The following ABCC3 variants were observed in gnomAD, a reference collection of about 807,000 sequenced individuals.
ABCC3 encodes the protein ATP binding cassette subfamily C member 3.
In ABCC3, 121 loss-of-function variants were observed where a neutral mutation model predicts 165.3. The ratio of observed to expected loss-of-function variants is 0.73; its 90% confidence interval spans 0.63 to 0.85. The LOEUF (loss-of-function observed/expected upper bound fraction) is 0.85, where lower values mean the gene tolerates loss of function less well. ABCC3 is among the 40% of genes least tolerant of loss of function. The pLI is 0.00. For missense variants in ABCC3, 1,869 were observed against 1,964.1 expected, an observed-to-expected ratio of 0.95 and a Z score of 0.92; for synonymous variants, 733 against 810.1, an observed-to-expected ratio of 0.90 and a Z score of 1.62.
chr17:50,674,477 C>A (rs898705230), intron 19 of ABCC3: 1 of 152,166 alleles, frequency 6.6e-6, no homozygotes, highest in South Asian at 2.1e-4. Context: ...TTAGCAAAGC[C>A]GCTTATTTAT....
chr17:50,659,707 G>A (rs1339081380), intron 7 of ABCC3, among the ~76,000 whole-genome samples: 3 of 151,670 alleles, frequency 2.0e-5, no homozygotes, highest in East Asian at 3.9e-4. Flanking sequence ...CACTGGGGCC[G>A]GGTGTGGTGG....
At chr17:50,680,160 T>A (rs1381519892) in intron 26 of ABCC3, among the ~76,000 whole-genome samples, 1 of 152,196 alleles carries the variant, frequency 6.6e-6, no homozygotes, top group African/African-American at 2.4e-5. Context: ...TTGCAGTGGA[T>A]GACCAGATCT....
chr17:50,676,892 G>GAT (rs1567837024), intron 23 of ABCC3, among the ~76,000 whole-genome samples: 1 of 149,916 alleles, frequency 6.7e-6, no homozygotes, highest in East Asian at 2.0e-4. Flanking sequence ...TTTTTGGGGG[G>GAT]GGGGGGACGG....
chr17:50,662,189 G>A (rs546980783), intron 8 of ABCC3: 1 of 152,576 alleles, frequency 6.6e-6, no homozygotes, highest in African/African-American at 2.4e-5. Flanking sequence ...AAGTATTCAG[G>A]AGCAATTTGG....
At chr17:50,651,704 C>T (rs1311429199) in intron 1 of ABCC3, among the ~76,000 whole-genome samples, 2 of 152,064 alleles carry the variant, frequency 1.3e-5, no homozygotes, top group Non-Finnish European at 2.9e-5. Flanking sequence ...CCAGAGTAGG[C>T]GATAGAGACC....
chr17:50,673,947 T>A (rs1967714257), intron 19 of ABCC3, among the ~76,000 whole-genome samples: 1 of 17,064 alleles, frequency 5.9e-5, no homozygotes, highest in African/African-American at 2.7e-4. Context: ...TTTCTTTCTT[T>A]CTTTCTTTCT....
chr17:50,668,900 C>T lies in ABCC3; in HGVS notation c.1918C>T (p.Leu640=). The change falls in exon 15 of 31, where the codon CTG becomes TTG. Residue 640 remains leucine, a synonymous_variant. Transcript: ENST00000285238. ...TGGCACCTTCACCTGGGCCCAGGAC[C>T]TGCCCCCCACTCTGCACAGGTACCA... ...HSGTFTWAQD[L]PPTLHSLDIQ... The T allele has an allele frequency of 6.2e-7, 1 of 1,614,092 alleles. No individual in the cohort carries two copies. Among genetic ancestry groups the T allele is most frequent in the South Asian group, 1.1e-5 (1 of 91,082 alleles).
At chr17:50,642,732 TC>T (rs1451521931) in intron 1 of ABCC3, among the ~76,000 whole-genome samples, 4 of 152,284 alleles carry the variant, frequency 2.6e-5, no homozygotes, top group African/African-American at 9.6e-5. Flanking sequence ...GTTGGGTTCT[TC>T]CTGTGGCCAC....
At chr17:50,662,275 T>A (rs1256574985) in intron 8 of ABCC3, 1 of 151,656 alleles carries the variant, frequency 6.6e-6, no homozygotes. Flanking sequence ...TGGAGGACGA[T>A]GGATCTTTTG....
At chr17:50,642,774 G>A (rs531355294) in intron 1 of ABCC3, among the ~76,000 whole-genome samples, 1 of 152,270 alleles carries the variant, frequency 6.6e-6, no homozygotes, top group African/African-American at 2.4e-5. Flanking sequence ...CCATGCCACC[G>A]GCCTGCAAGT....
Position 50,669,474 on chromosome 17 carries a change from G to C in ABCC3, c.2187G>C (p.Leu729Phe), listed in dbSNP as rs746464986. Residue 729 changes from leucine (L) to phenylalanine (F), a missense_variant, in exon 17 of 31, where the codon TTG becomes TTC. By Grantham distance (22) the Leu-to-Phe change is conservative (BLOSUM62 0). Coordinates refer to ENST00000285238, the MANE Select transcript of ABCC3 (RefSeq NM_003786.4). The stretch of plus-strand genomic sequence containing the variant: ...AGCAGACTCTGGAGGCCTGTGCCTT[G>C]CTAGCTGACCTGGAGATGCTGCCTG... ...RYQQTLEACALLADLEMLPGG... is the reference protein window; with the variant it reads ...RYQQTLEACAFLADLEMLPGG... 6.2e-7 allele frequency: 1 copy of C among 1,614,258 alleles called. No individual in the cohort carries two copies. The highest frequency in any genetic ancestry group is 8.5e-7 in the Non-Finnish European group (1 of 1,180,048).
In ABCC3 at chr17:50,676,464, C is replaced by T; in HGVS notation, c.3254C>T (p.Pro1085Leu). Residue 1085 changes from proline (P) to leucine (L), a missense_variant, in exon 23 of 31, where the codon CCT becomes CTT. Transcript: ENST00000285238. ...TATGTCGTTGATGAGGTTCTGGCCCCTGTCATCCTCATGCTGCTCAATTCC... is the reference window on the plus strand; with the variant it reads ...TATGTCGTTGATGAGGTTCTGGCCCTTGTCATCCTCATGCTGCTCAATTCC... ...DIYVVDEVLA[P>L]VILMLLNSFF... 1 of 1,614,210 alleles carries T rather than the reference C, an allele frequency of 6.2e-7. No homozygotes were observed. Among genetic ancestry groups the T allele is most frequent in the Non-Finnish European group, 8.5e-7 (1 of 1,180,038 alleles).
chr17:50,673,975 T>TCCTTCCTTC (rs1567835544), intron 19 of ABCC3, among the ~76,000 whole-genome samples: 2 of 12,270 alleles, frequency 1.6e-4, no homozygotes, highest in African/African-American at 3.8e-4. Flanking sequence ...TTTCTTTCTT[T>TCCTTCCTTC]CTTTCTCTCT....
At position 50,675,893 on chromosome 17, in the gene ABCC3, G is replaced by C; in HGVS notation, c.2870G>C (p.Ser957Thr). The change falls in exon 22 of 31, where the codon AGT (serine) becomes ACT (threonine). Residue 957 changes from serine to threonine, a missense_variant. Coordinates refer to ENST00000285238, the MANE Select transcript of ABCC3 (RefSeq NM_003786.4). The part of the protein sequence containing the change: ...EKAAIGTVEL[S>T]VFWDYAKAVG... ...GGCTGCTCCCTACAGGTGGAGCTCA[G>C]TGTGTTCTGGGATTATGCCAAGGCC... is the stretch of plus-strand genomic sequence containing the variant. The C allele has an allele frequency of 6.2e-7, 1 of 1,614,136 alleles. No homozygotes were observed. Among genetic ancestry groups the C allele is most frequent in the South Asian group, 1.1e-5 (1 of 91,078 alleles).
rs762056442 is a variant in ABCC3, at chr17:50,687,695, C to T, written c.4440C>T (p.Ile1480=). The T allele has an allele frequency of 2.5e-6, 4 of 1,614,202 alleles. No individual in the cohort carries two copies. The highest frequency in any genetic ancestry group is 8.5e-7 in the Non-Finnish European group (1 of 1,180,018). The change falls in exon 30 of 31, where the codon ATC becomes ATT. Residue 1480 remains isoleucine (I), a synonymous_variant. Transcript: ENST00000285238. ...TQFDTCTVLT[I]AHRLNTIMDY... is the part of the protein sequence containing the mutation. The stretch of plus-strand genomic sequence containing the variant: ...TTGATACCTGCACTGTCCTGACCAT[C>T]GCACACCGGCTTAACACTATCATGG...
In ABCC3 at chr17:50,675,988, A is replaced by T; in HGVS notation, c.2965A>T (p.Asn989Tyr). 6.2e-7 allele frequency: 1 copy of T among 1,614,200 alleles called. No individual in the cohort carries two copies. The highest frequency in any genetic ancestry group is 1.7e-5 in the Admixed American group (1 of 60,030). Residue 989 changes from asparagine to tyrosine, a missense_variant, in exon 22 of 31, where the codon AAT becomes TAT. Physicochemically the swap from Asn to Tyr is moderately radical, Grantham distance 143 (BLOSUM62 -2). Transcript: ENST00000285238. The part of the protein sequence containing the change: ...VGQSAAAIGA[N>Y]VWLSAWTNDA... ...TCAAAGTGCGGCTGCCATTGGAGCC[A>T]ATGTGTGGCTCAGTGCCTGGACAAA...
intron 8 of ABCC3, 81 bp from the exon 9 acceptor site, chr17:50,663,600 C>T (rs756370323): frequency 1.3e-5 from 20 of 1,505,978 alleles, no homozygotes; most frequent in Admixed American, 5.3e-5. Context: ...GTGGAGACTG[C>T]GGGTAAAAGC....
At chr17:50,661,983 G>A (rs1040526734) in intron 8 of ABCC3, among the ~76,000 whole-genome samples, 2 of 152,180 alleles carry the variant, frequency 1.3e-5, no homozygotes, top group African/African-American at 2.4e-5. Flanking sequence ...TTTCTGAGTG[G>A]CAGAGGAAAT....
chr17:50,664,871 G>A, intron 10 of ABCC3: 1 of 390,392 alleles, frequency 2.6e-6, no homozygotes, highest in Non-Finnish European at 4.7e-6. Context: ...CTTGGAGGGA[G>A]GTGGGTGTGA....
Sources: gnomAD v4.1 joint callset for allele counts (sites outside exome capture counted in the v4.1 genomes callset) on GRCh38, gnomAD v4.1.1 for gene constraint, MANE v1.5 for transcripts, NCBI Gene and HGNC (gene_info 2026-07-23, HGNC 2026-07-21) for gene names.